The following NLGN1 variants were observed in gnomAD, a reference collection of about 807,000 sequenced individuals.
NLGN1 encodes neuroligin 1.
Under a neutral mutation model 65.5 loss-of-function variants are expected in NLGN1, and 12 were observed. The ratio of observed to expected loss-of-function variants is 0.18; its 90% CI spans 0.12 to 0.30. The LOEUF (loss-of-function observed/expected upper bound fraction) is 0.30. Ranked by LOEUF, NLGN1 falls within the 10% of genes least tolerant of loss-of-function variation. The pLI, the probability that NLGN1 is intolerant of heterozygous loss-of-function variation, is 1.00. For missense variants in NLGN1, 750 were observed against 1,007.1 expected (o/e 0.74, Z 3.46); for synonymous variants, 350 against 359.5 (o/e 0.97, Z 0.30).
intron 4 of NLGN1, among the ~76,000 whole-genome samples, chr3:174,108,997 T>C (rs1358141072): frequency 6.6e-6 from 1 of 152,032 alleles, no homozygotes; most frequent in Non-Finnish European, 1.5e-5. Context: ...AATGTGAATA[T>C]TAGGTATATT....
intron 4 of NLGN1, among the ~76,000 whole-genome samples, chr3:173,826,074 T>C (rs1578643238): frequency 6.6e-6 from 1 of 152,052 alleles, no homozygotes; most frequent in East Asian, 1.9e-4. Flanking sequence ...TGTGTGTCTG[T>C]ATGTGTAGGA....
At chr3:173,827,225 A>G (rs1056453631) in intron 4 of NLGN1, among the ~76,000 whole-genome samples, 26 of 152,108 alleles carry the variant, frequency 1.7e-4, no homozygotes, top group African/African-American at 6.0e-4. Context: ...TATATCAGGA[A>G]CAGAGAGGTA....
chr3:173,639,742 G>C (rs1370694088), intron 3 of NLGN1, among the ~76,000 whole-genome samples: 3 of 152,160 alleles, frequency 2.0e-5, no homozygotes, highest in Non-Finnish European at 4.4e-5. Context: ...TTCACAACTG[G>C]AAGCCCAGGA....
At chr3:173,614,179 G>A (rs1045359933) in intron 3 of NLGN1, among the ~76,000 whole-genome samples, 13 of 151,968 alleles carry the variant, frequency 8.6e-5, no homozygotes, top group African/African-American at 2.9e-4. Context: ...TCCCCTAATT[G>A]GAAAGTGAAA....
intron 4 of NLGN1, among the ~76,000 whole-genome samples, chr3:174,247,673 C>G (rs894117801): frequency 2.0e-5 from 3 of 152,138 alleles, no homozygotes; most frequent in African/African-American, 7.2e-5. Context: ...ACTCATCAAG[C>G]AACCCAGCCT....
chr3:173,514,188 A>G (rs1264957142), intron 2 of NLGN1, among the ~76,000 whole-genome samples: 6 of 152,218 alleles, frequency 3.9e-5, no homozygotes, highest in Admixed American at 3.9e-4. Context: ...ACAGGGTTGT[A>G]TTGAAGAATA....
intron 4 of NLGN1, among the ~76,000 whole-genome samples, chr3:174,235,062 A>G (rs1561353888): frequency 9.1e-6 from 1 of 109,604 alleles, no homozygotes; most frequent in Middle Eastern, 8.1e-3. Flanking sequence ...TTTTTTTAGT[A>G]TTACCACAGC....
At chr3:173,874,598 A>G (rs1038997676) in intron 4 of NLGN1, among the ~76,000 whole-genome samples, 1 of 152,188 alleles carries the variant, frequency 6.6e-6, no homozygotes, top group Non-Finnish European at 1.5e-5. Flanking sequence ...TTTATTTCCA[A>G]CATTCAAAAT....
intron 4 of NLGN1, among the ~76,000 whole-genome samples, chr3:173,848,564 C>A (rs531808246): frequency 6.6e-6 from 1 of 152,264 alleles, no homozygotes; most frequent in Admixed American, 6.5e-5. Flanking sequence ...AATTGTCTTA[C>A]TTCCCCATTG....
intron 4 of NLGN1, among the ~76,000 whole-genome samples, chr3:173,889,139 C>T (rs1040094810): frequency 2.0e-5 from 3 of 152,096 alleles, no homozygotes; most frequent in East Asian, 1.9e-4. Flanking sequence ...TGTTATTTCT[C>T]ATCCGAAGTC....
At chr3:173,735,769 C>A (rs1464377562) in intron 3 of NLGN1, among the ~76,000 whole-genome samples, 3 of 152,032 alleles carry the variant, frequency 2.0e-5, no homozygotes, top group African/African-American at 7.2e-5. Flanking sequence ...TTTGGTTAGA[C>A]TTGTCACTCT....
intron 4 of NLGN1, among the ~76,000 whole-genome samples, chr3:173,835,538 T>A (rs2150630198): frequency 6.6e-6 from 1 of 150,632 alleles, no homozygotes; most frequent in African/African-American, 2.4e-5. Context: ...CAATACATGT[T>A]AGTATATGTA....
chr3:173,656,515 G>C (rs1479918559), intron 3 of NLGN1, among the ~76,000 whole-genome samples: 1 of 150,816 alleles, frequency 6.6e-6, no homozygotes, highest in African/African-American at 2.4e-5. Context: ...ATGTAAGTTG[G>C]TGTTTGGTTT....
intron 3 of NLGN1, among the ~76,000 whole-genome samples, chr3:173,711,807 A>G (rs1206825201): frequency 1.3e-5 from 2 of 152,148 alleles, no homozygotes; most frequent in South Asian, 2.1e-4. Flanking sequence ...AGGTAAGGTT[A>G]GAGACCAGAA....
intron 4 of NLGN1, among the ~76,000 whole-genome samples, chr3:174,082,560 A>ATATATACAATAGTATATACTG (rs1458979944): frequency 3.3e-5 from 5 of 151,826 alleles, no homozygotes; most frequent in Non-Finnish European, 7.4e-5. Context: ...AGTAAATAGA[A>ATATATACAATAGTATATACTG]TATATACAAT....
intron 4 of NLGN1, among the ~76,000 whole-genome samples, chr3:173,925,578 G>A (rs190701333): frequency 9.9e-5 from 15 of 152,250 alleles, no homozygotes; most frequent in Admixed American, 9.8e-4. Context: ...CCTGGGAGCT[G>A]GAAGAATACA....
chr3:173,533,743 G>T (rs1021878344), intron 2 of NLGN1, among the ~76,000 whole-genome samples: 7 of 152,172 alleles, frequency 4.6e-5, no homozygotes, highest in African/African-American at 1.7e-4. Flanking sequence ...CAGCACTTTG[G>T]GAGGTCGAGG....
chr3:173,597,063 G>A (rs1193015673), intron 2 of NLGN1, among the ~76,000 whole-genome samples: 6 of 152,080 alleles, frequency 3.9e-5, no homozygotes, highest in South Asian at 2.1e-4. Context: ...AACTAACCCC[G>A]GCAAGCAGAT....
At chr3:173,641,590 C>T (rs1300829404) in intron 3 of NLGN1, among the ~76,000 whole-genome samples, 6 of 152,168 alleles carry the variant, frequency 3.9e-5, no homozygotes, top group Non-Finnish European at 8.8e-5. Flanking sequence ...TGTGCCTGGC[C>T]CATATCTGGG....
Sources: allele counts gnomAD v4.1 joint callset (sites outside exome capture counted in the v4.1 genomes callset), GRCh38; gene constraint gnomAD v4.1.1; transcripts MANE v1.5; gene names NCBI Gene and HGNC (gene_info 2026-07-23, HGNC 2026-07-21).